The following WDPCP variants were observed in gnomAD, a reference collection of about 807,000 sequenced individuals.
WDPCP encodes WD repeat-containing and planar cell polarity effector protein fritz homolog.
A neutral mutation model predicts 93.1 loss-of-function variants in WDPCP; 71 were observed. The observed-to-expected ratio is 0.76, with a 90% CI of 0.63 to 0.93. WDPCP has a LOEUF of 0.93. Among genes scored for constraint, WDPCP ranks in the 40% least tolerant of loss-of-function variants. The pLI, the probability that WDPCP is intolerant of heterozygous loss-of-function variation, is 0.00. For synonymous variants in WDPCP, 315 were observed against 315.0 expected (o/e 1.00, Z 0.00); for missense variants, 844 against 887.4 (o/e 0.95, Z 0.62).
chr2:63,634,144 A>T (rs1709896987), intron 3 of WDPCP, among the ~76,000 whole-genome samples: 1 of 152,186 alleles, frequency 6.6e-6, no homozygotes, highest in African/African-American at 2.4e-5. Flanking sequence ...ATACAACTAT[A>T]TGCTACCTAC....
intron 12 of WDPCP, among the ~76,000 whole-genome samples, chr2:63,318,128 C>T (rs1437831181): frequency 1.3e-5 from 2 of 152,100 alleles, no homozygotes; most frequent in Non-Finnish European, 2.9e-5. Context: ...AGACACTTCT[C>T]AAAGTAAGAC....
chr2:63,330,074 T>C (rs1437457273), intron 12 of WDPCP, among the ~76,000 whole-genome samples: 1 of 152,226 alleles, frequency 6.6e-6, no homozygotes, highest in Non-Finnish European at 1.5e-5. Context: ...CTCTTCAAGA[T>C]ACTGATTTCA....
chr2:63,453,681 C>T (rs548853907), intron 6 of WDPCP, among the ~76,000 whole-genome samples: 44 of 152,130 alleles, frequency 2.9e-4, no homozygotes, highest in African/African-American at 9.6e-4. Context: ...ATAGCAAAGA[C>T]GTGGAACCAA....
intron 17 of WDPCP, among the ~76,000 whole-genome samples, chr2:63,138,386 T>A (rs1180110241): frequency 6.6e-6 from 1 of 152,076 alleles, no homozygotes; most frequent in Non-Finnish European, 1.5e-5. Flanking sequence ...GCTATTTTAT[T>A]TTAATTAATT....
intron 13 of WDPCP, among the ~76,000 whole-genome samples, chr2:63,265,794 A>G (rs1358263023): frequency 6.6e-6 from 1 of 152,224 alleles, no homozygotes; most frequent in Non-Finnish European, 1.5e-5. Context: ...TCAGTGGCAC[A>G]TTAAAAAAGA....
intron 2 of WDPCP, among the ~76,000 whole-genome samples, chr2:63,736,382 T>C (rs1413153359): frequency 1.3e-5 from 2 of 152,218 alleles, no homozygotes; most frequent in Non-Finnish European, 2.9e-5. Context: ...ACTTATCAGG[T>C]ATCATAAAAC....
chr2:63,807,528 C>T lies in WDPCP; in HGVS notation n.308+6094G>A, dbSNP rs561238122. ...CCTGCAGAACCATGAGCCAATCACA[C>T]GTCTTTTCTTCATAAATTACCCAGC... On this transcript the variant is annotated intron_variant and non_coding_transcript_variant, in intron 2 of 4. Coordinates refer to the WDPCP transcript ENST00000467687. Among the ~76,000 whole-genome samples the T allele has an allele frequency of 3.9e-5, 6 of 152,308 alleles. 1 individual carries two copies. Among genetic ancestry groups the T allele is most frequent in the African/African-American group, 4.8e-5 (2 of 41,568 alleles).
At chr2:63,273,551 G>A (rs1682824817) in intron 13 of WDPCP, among the ~76,000 whole-genome samples, 1 of 151,606 alleles carries the variant, frequency 6.6e-6, no homozygotes, top group Admixed American at 6.6e-5. Context: ...GTATTAAAAA[G>A]ACATGACCCA....
intron 6 of WDPCP, among the ~76,000 whole-genome samples, chr2:63,480,672 T>A (rs1272385614): frequency 6.6e-6 from 1 of 152,158 alleles, no homozygotes; most frequent in Non-Finnish European, 1.5e-5. Flanking sequence ...CTGGGATAAT[T>A]GGCAAGCCAC....
At chr2:63,813,265 T>C (rs940005654) in intron 2 of WDPCP, among the ~76,000 whole-genome samples, 1 of 152,304 alleles carries the variant, frequency 6.6e-6, no homozygotes, top group South Asian at 2.1e-4. Flanking sequence ...CAGTGCCATT[T>C]ACCAAGTTAG....
At chr2:63,187,015 A>G (rs531457759) in intron 14 of WDPCP, among the ~76,000 whole-genome samples, 1 of 152,160 alleles carries the variant, frequency 6.6e-6, no homozygotes, top group East Asian at 1.9e-4. Flanking sequence ...AATTCTGTCA[A>G]TGTTTGCTTC....
intron 1 of WDPCP, among the ~76,000 whole-genome samples, chr2:63,581,211 T>C (rs1204523318): frequency 4.6e-5 from 7 of 152,066 alleles, no homozygotes; most frequent in Admixed American, 2.6e-4. Flanking sequence ...TGTGAGAGAA[T>C]GTACAGTGCA....
At chr2:63,139,837 T>A (rs1002783897) in intron 17 of WDPCP, among the ~76,000 whole-genome samples, 3 of 152,182 alleles carry the variant, frequency 2.0e-5, no homozygotes, top group Non-Finnish European at 4.4e-5. Flanking sequence ...GCTATTTCTC[T>A]TTGTTTTTAT....
intron 2 of WDPCP, among the ~76,000 whole-genome samples, chr2:63,687,526 T>C (rs1337043455): frequency 6.6e-6 from 1 of 152,176 alleles, no homozygotes; most frequent in Admixed American, 6.5e-5. Flanking sequence ...GGGCAAAAGA[T>C]GTGCATAGAC....
chr2:63,487,154 T>C (rs1156554740), intron 3 of WDPCP, among the ~76,000 whole-genome samples: 1 of 152,026 alleles, frequency 6.6e-6, no homozygotes, highest in African/African-American at 2.4e-5. Flanking sequence ...GCATTAACAA[T>C]GCCCTCTACT....
At position 63,139,357 on chromosome 2, in the gene WDPCP, T is replaced by C. The variant is rs563915513; in HGVS notation, c.2190+13557A>G. ...GACACCCAATAGTGGGGTTGCTGGA[T>C]CAAATGGTAGTTCTACTTTTAGTTC... On this transcript the variant is annotated intron_variant, in intron 17 of 17. Transcript: ENST00000272321. Among the ~76,000 whole-genome samples the C allele has an allele frequency of 1.1e-4, 17 of 152,346 alleles. No individual in the cohort carries two copies. In the East Asian group the frequency reaches 3.3e-3, roughly 29 times the overall value.
chr2:63,183,064 CTTTAT>C (rs966151971), intron 14 of WDPCP, among the ~76,000 whole-genome samples: 2 of 151,702 alleles, frequency 1.3e-5, no homozygotes, highest in African/African-American at 2.4e-5. Flanking sequence ...AGTTTGTCAA[CTTTAT>C]TTTATCAACG....
At chr2:63,656,297 C>T (rs1161059751) in intron 2 of WDPCP, among the ~76,000 whole-genome samples, 3 of 152,190 alleles carry the variant, frequency 2.0e-5, no homozygotes, top group African/African-American at 7.2e-5. Flanking sequence ...TGCCTCCCTG[C>T]CTCAGACCTA....
At chr2:63,642,533 T>C (rs1709993355) in intron 3 of WDPCP, 1 of 151,130 alleles carries the variant, frequency 6.6e-6, no homozygotes, top group Admixed American at 6.6e-5. Flanking sequence ...CTTTGGAAAA[T>C]TCCTAGGGAT....
Sources: gnomAD v4.1 joint callset for allele counts (sites outside exome capture counted in the v4.1 genomes callset) on GRCh38, gnomAD v4.1.1 for gene constraint, MANE v1.5 for transcripts, NCBI Gene and HGNC (gene_info 2026-07-23, HGNC 2026-07-21) for gene names.